ANK3: variants seen among roughly 807,000 people sequenced by gnomAD.
The protein encoded by ANK3 is ankyrin-3.
ANK3 carries 57 observed loss-of-function variants against 370.9 expected under a neutral mutation model. The ratio of observed to expected loss-of-function variants is 0.15; its 90% CI spans 0.12 to 0.19. The LOEUF is 0.19. Among genes scored for constraint, ANK3 ranks in the 10% least tolerant of loss-of-function variants. The pLI is 1.00. For missense variants in ANK3, 4,439 were observed against 5,302.1 expected (o/e 0.84, Z 5.06); for synonymous variants, 1,929 against 1,946.3 (o/e 0.99, Z 0.23).
At chr10:60,169,962 T>C (rs2095737862) in intron 21 of ANK3, among the ~76,000 whole-genome samples, 1 of 152,188 alleles carries the variant, frequency 6.6e-6, no homozygotes, top group Non-Finnish European at 1.5e-5. Context: ...CTCTAAGATG[T>C]TCCAGGCTCA....
intron 1 of ANK3, chr10:60,300,249 A>G: frequency 1.1e-6 from 1 of 946,372 alleles, no homozygotes; most frequent in African/African-American, 1.7e-5. Context: ...TTTAAAAGGC[A>G]CAACTATTCA....
intron 1 of ANK3, among the ~76,000 whole-genome samples, chr10:60,639,871 C>T (rs941277385): frequency 2.6e-5 from 4 of 151,922 alleles, no homozygotes; most frequent in Non-Finnish European, 4.4e-5. Flanking sequence ...TCAGTAATTA[C>T]ATTTACCATA....
chr10:60,280,438 T>C (rs1378685895), intron 1 of ANK3, among the ~76,000 whole-genome samples: 2 of 152,200 alleles, frequency 1.3e-5, no homozygotes, highest in African/African-American at 4.8e-5. Flanking sequence ...CATAGCCATA[T>C]GTAGGAGCAG....
intron 2 of ANK3, among the ~76,000 whole-genome samples, chr10:60,501,055 G>GA (rs889546726): frequency 2.6e-5 from 4 of 151,946 alleles, no homozygotes; most frequent in Non-Finnish European, 2.9e-5. Flanking sequence ...TAAAAGGTAG[G>GA]AAAAAAATCA....
At chr10:60,551,963 C>G (rs1014328906) in intron 2 of ANK3, among the ~76,000 whole-genome samples, 1 of 152,170 alleles carries the variant, frequency 6.6e-6, no homozygotes, top group Non-Finnish European at 1.5e-5. Context: ...ACAACTGTCT[C>G]CAGGAACTTC....
At chr10:60,565,872 C>A (rs2077447716) in intron 2 of ANK3, among the ~76,000 whole-genome samples, 1 of 152,208 alleles carries the variant, frequency 6.6e-6, no homozygotes, top group South Asian at 2.1e-4. Flanking sequence ...ATTCCCTTAA[C>A]ACTTTCTACA....
chr10:60,214,549 CCTCT>C (rs557162393), intron 8 of ANK3, among the ~76,000 whole-genome samples: 4 of 152,070 alleles, frequency 2.6e-5, no homozygotes, highest in Middle Eastern at 3.4e-3. Flanking sequence ...GTGTGTTGTT[CCTCT>C]CTCTATGTCC....
chr10:60,680,668 A>G (rs1221174781), intron 1 of ANK3, among the ~76,000 whole-genome samples: 1 of 151,556 alleles, frequency 6.6e-6, no homozygotes, highest in East Asian at 1.9e-4. Flanking sequence ...CCACCGGGTG[A>G]CTCCATTTAG....
Position 60,627,431 on chromosome 10 carries a change from A to G in ANK3, c.58-12207T>C, listed in dbSNP as rs79180898. On this transcript the variant is annotated intron_variant, in intron 1 of 43. Transcript: ENST00000373827. The stretch of plus-strand genomic sequence containing the variant: ...AAGATAAAAAATAAAAATAAAAAAA[A>G]GGCATCTGTATTCTGCTGCCAGAAA... 2.7e-5 allele frequency among the ~76,000 whole-genome samples: 4 copies of G among 149,596 alleles called. No homozygotes were observed. In the East Asian group the frequency reaches 8.0e-4, roughly 30 times the overall value.
chr10:60,733,384 G>C (rs1371557443), exon 1 of ANK3: 5 of 1,215,422 alleles, frequency 4.1e-6, no homozygotes, highest in Non-Finnish European at 4.1e-6. Flanking sequence ...CCCGCTCCTC[G>C]GGCCTCCAAA....
intron 1 of ANK3, among the ~76,000 whole-genome samples, chr10:60,347,945 A>G (rs1223529852): frequency 1.3e-5 from 2 of 152,144 alleles, no homozygotes; most frequent in Admixed American, 1.3e-4. Context: ...GCATGAGAGC[A>G]TCAGATGGGC....
At chr10:60,227,914 C>A (rs1320780713) in intron 8 of ANK3, among the ~76,000 whole-genome samples, 1 of 151,976 alleles carries the variant, frequency 6.6e-6, no homozygotes, top group Non-Finnish European at 1.5e-5. Flanking sequence ...GTCATATTTT[C>A]CAGTTGACTT....
At chr10:60,280,897 G>T (rs563824299) in intron 1 of ANK3, among the ~76,000 whole-genome samples, 1 of 152,114 alleles carries the variant, frequency 6.6e-6, no homozygotes, top group East Asian at 1.9e-4. Context: ...AACTCTCTTC[G>T]TATTTACTAC....
chr10:60,338,860 G>A (rs543249414), intron 1 of ANK3, among the ~76,000 whole-genome samples: 1 of 152,288 alleles, frequency 6.6e-6, no homozygotes, highest in Admixed American at 6.5e-5. Context: ...AATCTACTCA[G>A]AGGCCAAACA....
At chr10:60,477,146 G>A (rs1013836287) in intron 2 of ANK3, among the ~76,000 whole-genome samples, 6 of 152,058 alleles carry the variant, frequency 3.9e-5, no homozygotes, top group Non-Finnish European at 8.8e-5. Context: ...AGTGGGGAGA[G>A]AGTGAAAGGG....
chr10:60,047,794 T>C (rs2131884099), intron 42 of ANK3, among the ~76,000 whole-genome samples: 1 of 152,370 alleles, frequency 6.6e-6, no homozygotes, highest in Admixed American at 6.5e-5. Flanking sequence ...TTGCAGTTAC[T>C]GGATTTGCTA....
intron 17 of ANK3, among the ~76,000 whole-genome samples, chr10:60,182,469 T>A (rs1235197617): frequency 6.6e-6 from 1 of 152,234 alleles, no homozygotes; most frequent in East Asian, 1.9e-4. Context: ...TTGTAAAGCA[T>A]TTTTTATAAT....
At chr10:60,106,604 C>T (rs1268699787) in intron 27 of ANK3, among the ~76,000 whole-genome samples, 1 of 142,818 alleles carries the variant, frequency 7.0e-6, no homozygotes, top group African/African-American at 2.6e-5. Flanking sequence ...CTGTGTTTTT[C>T]AATTTGTGAA....
At chr10:60,530,590 T>G (rs2076582703) in intron 2 of ANK3, among the ~76,000 whole-genome samples, 1 of 152,132 alleles carries the variant, frequency 6.6e-6, no homozygotes, top group African/African-American at 2.4e-5. Flanking sequence ...CTCTGTAAGT[T>G]TGTTGCCCTA....
Sources: gnomAD v4.1 joint callset for allele counts (sites outside exome capture counted in the v4.1 genomes callset) on GRCh38, gnomAD v4.1.1 for gene constraint, MANE v1.5 for transcripts, NCBI Gene and HGNC (gene_info 2026-07-23, HGNC 2026-07-21) for gene names.